Variants in EIF4G3 observed in about 807,000 individuals in gnomAD.
EIF4G3 encodes the protein eIF-4-gamma 3.
EIF4G3 carries 34 observed loss-of-function variants against 186.4 expected under a neutral mutation model. The ratio of observed to expected loss-of-function variants is 0.18; its 90% confidence interval spans 0.14 to 0.24. The LOEUF is 0.24. Ranked by LOEUF, EIF4G3 falls within the 10% of genes least tolerant of loss-of-function variation. The pLI, the probability that EIF4G3 is intolerant of heterozygous loss-of-function variation, is 1.00. For missense variants in EIF4G3, 1,536 were observed against 1,948.5 expected, an observed-to-expected ratio of 0.79 and a Z score of 3.99; for synonymous variants, 673 against 679.5, an observed-to-expected ratio of 0.99 and a Z score of 0.15.
chr1:20,825,259 A>G lies in EIF4G3; in HGVS notation c.4270-61T>C, dbSNP rs1001234383. On this transcript the variant is annotated intron_variant, in intron 32 of 36. Transcript: ENST00000602326. Reference sequence around the variant, plus strand: ...CAGTGGAAGAAGAAACAGAAAAAAAAAAAAAAAAAAAGATTTGCTTGAAGT... The same window carrying G: ...CAGTGGAAGAAGAAACAGAAAAAAAGAAAAAAAAAAAGATTTGCTTGAAGT... The G allele has an allele frequency of 3.3e-6, 4 of 1,213,470 alleles. No individual in the cohort carries two copies. The African/African-American group carries it at 6.2e-5, about 19-fold the overall frequency. The allele number at this position is 1,213,470 out of a possible 1,614,324, so 75.2% of individuals were successfully genotyped here. A position where few individuals can be genotyped will look rare whatever the true frequency, so the allele number is the denominator to read the frequency against.
At chr1:20,860,896 G>C (rs2154551801) in intron 23 of EIF4G3, among the ~76,000 whole-genome samples, 1 of 152,218 alleles carries the variant, frequency 6.6e-6, no homozygotes. Context: ...AAAATGATGA[G>C]GATTCCTTGG....
At chr1:21,074,927 C>T (rs897858846) in intron 3 of EIF4G3, among the ~76,000 whole-genome samples, 2 of 152,000 alleles carry the variant, frequency 1.3e-5, no homozygotes, top group Admixed American at 6.6e-5. Context: ...GTAAAGTATT[C>T]GCCGGGGTGG....
At chr1:20,873,152 T>C (rs2079697401) in intron 20 of EIF4G3, among the ~76,000 whole-genome samples, 1 of 152,204 alleles carries the variant, frequency 6.6e-6, no homozygotes, top group South Asian at 2.1e-4. Flanking sequence ...TCATGTAGTA[T>C]CTTTTTGGGT....
intron 30 of EIF4G3, among the ~76,000 whole-genome samples, chr1:20,837,123 T>G (rs143135095): frequency 1.8e-3 from 280 of 152,378 alleles, no homozygotes; most frequent in Non-Finnish European, 2.8e-3. Flanking sequence ...TTTACTACTT[T>G]GCAGCAGTGC....
At chr1:20,971,223 G>A (rs2075827969) in intron 11 of EIF4G3, among the ~76,000 whole-genome samples, 1 of 152,122 alleles carries the variant, frequency 6.6e-6, no homozygotes, top group African/African-American at 2.4e-5. Flanking sequence ...CTTAATCAAG[G>A]CAGTCCACAC....
At chr1:20,813,391 T>A in intron 34 of EIF4G3, 152 bp from the exon 35 acceptor site, 27 of 146,570 alleles carry the variant, frequency 1.8e-4, no homozygotes, top group Non-Finnish European at 2.4e-4. Flanking sequence ...AGTAAGACCC[T>A]ATCTCTTAAA....
intron 15 of EIF4G3, among the ~76,000 whole-genome samples, chr1:20,902,785 C>T (rs1374482091): frequency 6.6e-6 from 1 of 152,078 alleles, no homozygotes; most frequent in African/African-American, 2.4e-5. Context: ...GGATTATAGG[C>T]GCGCGCCACC....
At chr1:21,048,177 AT>A (rs1557696412) in intron 4 of EIF4G3, among the ~76,000 whole-genome samples, 2 of 152,184 alleles carry the variant, frequency 1.3e-5, no homozygotes, top group Non-Finnish European at 2.9e-5. Flanking sequence ...CAAACTATGC[AT>A]TTGCGAGCAG....
chr1:21,028,324 A>G (rs902214280), intron 4 of EIF4G3, among the ~76,000 whole-genome samples: 2 of 152,080 alleles, frequency 1.3e-5, no homozygotes, highest in Non-Finnish European at 2.9e-5. Flanking sequence ...AAATTGGGAA[A>G]AAAAAGAGAA....
chr1:20,955,601 C>T (rs1271158085), intron 12 of EIF4G3, among the ~76,000 whole-genome samples: 1 of 151,980 alleles, frequency 6.6e-6, no homozygotes, highest in Non-Finnish European at 1.5e-5. Flanking sequence ...ACAGCAGTTA[C>T]AAGAATGCAA....
At chr1:20,844,005 TATA>T (rs2069719765) in intron 29 of EIF4G3, among the ~76,000 whole-genome samples, 1 of 152,228 alleles carries the variant, frequency 6.6e-6, no homozygotes, top group Non-Finnish European at 1.5e-5. Flanking sequence ...TGTATGGCTG[TATA>T]ATATTTCATG....
chr1:20,980,372 T>C lies in EIF4G3; in HGVS notation c.455A>G (p.Tyr152Cys), dbSNP rs749490391. ...PVQPPGPGPF[Y>C]PGPGPGDFPN... Reference sequence around the variant, plus strand: ...GAAGTCCCCAGGTCCTGGTCCAGGATAAAAAGGACCTGGCCCCGGTGGTTG... The same window carrying C: ...GAAGTCCCCAGGTCCTGGTCCAGGACAAAAAGGACCTGGCCCCGGTGGTTG... The change falls in exon 10 of 37, where the codon TAT becomes TGT. Residue 152 changes from tyrosine (Y) to cysteine (C), a missense_variant. Tyr to Cys is a radical substitution (Grantham distance 194). Around this residue, in one of 11 missense-constraint regions of EIF4G3, gnomAD observed 194 missense variants for 212.8 expected, o/e 0.91. Transcript: ENST00000602326. 1 of 1,549,828 alleles carries C rather than the reference T, an allele frequency of 6.5e-7. No homozygotes were observed. Among genetic ancestry groups the C allele is most frequent in the Non-Finnish European group, 8.6e-7 (1 of 1,159,276 alleles).
chr1:20,942,487 T>C (rs1315715418), intron 13 of EIF4G3, among the ~76,000 whole-genome samples, 157 bp from the exon 14 acceptor site: 1 of 152,222 alleles, frequency 6.6e-6, no homozygotes, highest in Non-Finnish European at 1.5e-5. Context: ...ATTGTCTCTT[T>C]TCTTTTTTTA....
At chr1:20,829,079 G>C in intron 31 of EIF4G3, 68 bp downstream of exon 31, 1 of 1,546,636 alleles carries the variant, frequency 6.5e-7, no homozygotes, top group South Asian at 1.2e-5. Context: ...TACTATGATA[G>C]AGAGCTAGCA....
chr1:20,995,670 C>T (rs778758294), intron 7 of EIF4G3, among the ~76,000 whole-genome samples: 10 of 152,158 alleles, frequency 6.6e-5, no homozygotes, highest in Non-Finnish European at 2.9e-5. Flanking sequence ...CCGTACCTGG[C>T]CTATTCAGCA....
intron 2 of EIF4G3, among the ~76,000 whole-genome samples, chr1:21,113,841 C>A (rs910736818): frequency 3.9e-5 from 6 of 152,030 alleles, no homozygotes; most frequent in African/African-American, 1.2e-4. Flanking sequence ...ATGGTAAAAC[C>A]CCGTCTCTTC....
rs1232754735 is a variant in EIF4G3, at chr1:20,943,980, G to T, written c.824-1650C>A. Among the ~76,000 whole-genome samples, 56 of 72,728 alleles carry T rather than the reference G, an allele frequency of 7.7e-4. 1 individual carries two copies. The highest frequency in any genetic ancestry group is 2.5e-3 in the African/African-American group (53 of 21,330). The allele number at this position is 72,728 out of a possible 152,430, so 47.7% of individuals were successfully genotyped here. ...AAACTTGTCTTTATTTTTTTTGTGT[G>T]TGTGTGTGTGTGTGTGTGTGTGTGT... On this transcript the variant is annotated intron_variant, in intron 13 of 36. Coordinates refer to ENST00000602326, the MANE Select transcript of EIF4G3 (RefSeq NM_001391906.1).
chr1:21,143,966 A>G (rs2097389155), intron 2 of EIF4G3, among the ~76,000 whole-genome samples: 1 of 152,192 alleles, frequency 6.6e-6, no homozygotes, highest in African/African-American at 2.4e-5. Context: ...AGGTCTCCCT[A>G]AGTTGCCCTG....
chr1:20,893,414 G>A (rs1572324228), intron 18 of EIF4G3, 103 bp downstream of exon 18: 1 of 1,228,898 alleles, frequency 8.1e-7, no homozygotes, highest in East Asian at 2.5e-5. Flanking sequence ...TCTTCTTCTT[G>A]ACTAGAATCA....
Sources: gnomAD v4.1 joint callset for allele counts (sites outside exome capture counted in the v4.1 genomes callset) on GRCh38, gnomAD v4.1.1 for gene constraint, gnomAD v4.1.1 regional missense constraint, MANE v1.5 for transcripts, NCBI Gene and HGNC (gene_info 2026-07-23, HGNC 2026-07-21) for gene names.